NTNG1: variants seen among roughly 807,000 people sequenced by gnomAD.
NTNG1 encodes the protein netrin-G1.
Under a neutral mutation model 54.0 loss-of-function variants are expected in NTNG1, and 16 were observed. The ratio of observed to expected loss-of-function variants is 0.30; its 90% CI spans 0.20 to 0.45. NTNG1 has a LOEUF of 0.45. NTNG1 is among the 20% of genes least tolerant of loss of function. The probability of loss-of-function intolerance (pLI) is 1.00; values close to 1 mark genes in which losing one functional copy is unlikely to be tolerated. For missense variants in NTNG1, 530 were observed against 678.7 expected (o/e 0.78, Z 2.43); for synonymous variants, 255 against 263.1 (o/e 0.97, Z 0.30).
chr1:107,430,130 A>C (rs1675165429), intron 5 of NTNG1, among the ~76,000 whole-genome samples: 1 of 152,174 alleles, frequency 6.6e-6, no homozygotes, highest in South Asian at 2.1e-4. Flanking sequence ...ACACATATAC[A>C]TACAGATTTG....
At chr1:107,252,528 T>C (rs1309586880) in intron 2 of NTNG1, among the ~76,000 whole-genome samples, 2 of 152,202 alleles carry the variant, frequency 1.3e-5, no homozygotes, top group Admixed American at 6.5e-5. Flanking sequence ...CACACTGTTT[T>C]AGTCTGCTTC....
At chr1:107,346,178 A>G (rs1669215218) in intron 3 of NTNG1, among the ~76,000 whole-genome samples, 1 of 152,222 alleles carries the variant, frequency 6.6e-6, no homozygotes, top group African/African-American at 2.4e-5. Context: ...CCAACAAGAA[A>G]TGACTGAAGT....
intron 6 of NTNG1, among the ~76,000 whole-genome samples, chr1:107,434,435 A>C (rs551916938): frequency 6.6e-6 from 1 of 152,298 alleles, no homozygotes; most frequent in African/African-American, 2.4e-5. Context: ...ACATCCTTGC[A>C]TGCTTCTGTT....
At chr1:107,149,701 G>C (rs942830294) in intron 2 of NTNG1, among the ~76,000 whole-genome samples, 8 of 151,992 alleles carry the variant, frequency 5.3e-5, no homozygotes, top group African/African-American at 1.9e-4. Context: ...TATTAGTAAA[G>C]AGGCTGGTGA....
In NTNG1 at chr1:107,324,420, C is replaced by T. The variant is rs1432446978; in HGVS notation, c.385C>T (p.Pro129Ser). 2 of 1,613,844 alleles carry T rather than the reference C, an allele frequency of 1.2e-6. No individual in the cohort carries two copies. The highest frequency in any genetic ancestry group is 1.7e-6 in the Non-Finnish European group (2 of 1,179,840). ...QSATWKEYPK[P>S]LQVNITLSWS... The stretch of plus-strand genomic sequence containing the variant: ...TGCCACTTGGAAGGAGTATCCCAAG[C>T]CTCTCCAGGTTAACATCACTCTGTC... Residue 129 changes from proline (P) to serine (S), a missense_variant, in exon 3 of 8, where the codon CCT (proline) becomes TCT (serine). Physicochemically the swap from Pro to Ser is moderately conservative, Grantham distance 74. Around this residue, in one of 2 missense-constraint regions of NTNG1, gnomAD observed 318 missense variants for 465.1 expected, o/e 0.68. Transcript: ENST00000370068.
Position 107,480,981 on chromosome 1 carries a change from T to G in NTNG1, c.*141T>G. On this transcript the variant is annotated 3_prime_UTR_variant, in exon 8 of 8. Coordinates refer to ENST00000370068, the MANE Select transcript of NTNG1 (RefSeq NM_001113226.3). ...ACAAACTAAGAAGGCCTAACTGAACTAAGCCATATTTATCACCCGTGGACA... is the reference window on the plus strand; with the variant it reads ...ACAAACTAAGAAGGCCTAACTGAACGAAGCCATATTTATCACCCGTGGACA... 92 of 595,242 alleles carry G rather than the reference T, an allele frequency of 1.5e-4. No individual in the cohort carries two copies. The highest frequency in any genetic ancestry group is 2.6e-4 in the Middle Eastern group (1 of 3,814). 36.9% of individuals were successfully genotyped at this position (595,242 alleles called of 1,614,324 possible).
intron 3 of NTNG1, among the ~76,000 whole-genome samples, chr1:107,386,155 ATATATATATAT>A (rs1671971977): frequency 8.7e-6 from 1 of 114,996 alleles, no homozygotes; most frequent in Admixed American, 9.8e-5. Flanking sequence ...GTGTGTATAT[ATATATATATAT>A]TTTTTTTTTT....
intron 2 of NTNG1, among the ~76,000 whole-genome samples, chr1:107,294,782 T>C (rs1036539482): frequency 3.9e-5 from 6 of 152,166 alleles, no homozygotes; most frequent in Non-Finnish European, 8.8e-5. Flanking sequence ...TCCCCTAGCA[T>C]TTTCCTCATA....
chr1:107,357,755 A>G (rs540563499), intron 3 of NTNG1, among the ~76,000 whole-genome samples: 139 of 152,326 alleles, frequency 9.1e-4, no homozygotes, highest in Non-Finnish European at 1.8e-3. Context: ...TGACAGCTGT[A>G]AATTATTCAT....
chr1:107,228,132 C>T (rs1224554710), intron 2 of NTNG1, among the ~76,000 whole-genome samples: 1 of 152,096 alleles, frequency 6.6e-6, no homozygotes, highest in Non-Finnish European at 1.5e-5. Flanking sequence ...CTTTTTTCCT[C>T]GTTGAGATTT....
At chr1:107,151,754 A>G (rs1654585852) in intron 2 of NTNG1, among the ~76,000 whole-genome samples, 1 of 152,126 alleles carries the variant, frequency 6.6e-6, no homozygotes, top group Non-Finnish European at 1.5e-5. Flanking sequence ...ACTATCCATG[A>G]ATGTTGCATT....
chr1:107,248,709 C>A (rs113168900), intron 2 of NTNG1, among the ~76,000 whole-genome samples: 1,752 of 152,228 alleles, frequency 0.012, 29 homozygotes, highest in African/African-American at 0.04. Flanking sequence ...GGTGAAAATG[C>A]AAGACTGTTC....
At chr1:107,140,388 C>A (rs898221833), upstream of NTNG1, among the ~76,000 whole-genome samples, 5 of 151,962 alleles carry the variant, frequency 3.3e-5, no homozygotes, top group Non-Finnish European at 7.4e-5. Flanking sequence ...CAGGAGCTCG[C>A]TGCCCGCTCG....
chr1:107,319,899 C>A (rs1388621411), intron 2 of NTNG1, among the ~76,000 whole-genome samples: 1 of 150,294 alleles, frequency 6.7e-6, no homozygotes, highest in Admixed American at 6.6e-5. Flanking sequence ...CTCTGAAGGG[C>A]TTAGCAGATC....
chr1:107,329,218 T>C (rs1242417691), intron 3 of NTNG1, among the ~76,000 whole-genome samples: 1 of 152,172 alleles, frequency 6.6e-6, no homozygotes, highest in Non-Finnish European at 1.5e-5. Context: ...CTTCACTTCA[T>C]GGCTGCCCCT....
At chr1:107,264,948 A>G (rs1663632901) in intron 2 of NTNG1, among the ~76,000 whole-genome samples, 1 of 152,192 alleles carries the variant, frequency 6.6e-6, no homozygotes, top group Non-Finnish European at 1.5e-5. Flanking sequence ...GAAGTTTTGC[A>G]TATTGGCCTC....
At chr1:107,338,815 A>G (rs1668738728) in intron 3 of NTNG1, among the ~76,000 whole-genome samples, 1 of 151,936 alleles carries the variant, frequency 6.6e-6, no homozygotes, top group Non-Finnish European at 1.5e-5. Context: ...AGCCAAGGTC[A>G]AAACTTTAAA....
chr1:107,364,632 C>G (rs899726114), intron 3 of NTNG1, among the ~76,000 whole-genome samples: 4 of 152,142 alleles, frequency 2.6e-5, no homozygotes, highest in African/African-American at 9.7e-5. Context: ...AAACTGCACC[C>G]CTTGGTTTCA....
At position 107,461,654 on chromosome 1, in the gene NTNG1, C is replaced by T. The variant is rs747355477; in HGVS notation, c.1391-18957C>T. ...GTTCAAGCGATTCCCCTGCCTCAGC[C>T]TCCTGAGTAGCTGGAACTACAGGTG... On this transcript the variant is annotated intron_variant, in intron 7 of 7. Transcript: ENST00000370068. Among the ~76,000 whole-genome samples, 22 of 152,094 alleles carry T rather than the reference C, an allele frequency of 1.4e-4. No individual in the cohort carries two copies. In the South Asian group the frequency reaches 2.1e-3, roughly 14 times the overall value.
Sources: gnomAD v4.1 joint callset for allele counts (sites outside exome capture counted in the v4.1 genomes callset) on GRCh38, gnomAD v4.1.1 for gene constraint, gnomAD v4.1.1 regional missense constraint, MANE v1.5 for transcripts, NCBI Gene and HGNC (gene_info 2026-07-23, HGNC 2026-07-21) for gene names.